The following IMPG2 variants were observed in gnomAD, a reference collection of about 807,000 sequenced individuals.
IMPG2 encodes the protein IPM 200.
A neutral mutation model predicts 129.2 loss-of-function variants in IMPG2; 91 were observed. The ratio of observed to expected loss-of-function variants is 0.70; its 90% CI spans 0.59 to 0.84. IMPG2 has a LOEUF of 0.84. Ranked by LOEUF, IMPG2 falls within the 40% of genes least tolerant of loss-of-function variation. The pLI, the probability that IMPG2 is intolerant of heterozygous loss-of-function variation, is 0.00. For missense variants in IMPG2, 1,430 were observed against 1,461.7 expected (o/e 0.98, Z 0.35); for synonymous variants, 510 against 517.7 (o/e 0.99, Z 0.20).
chr3:101,249,620 C>A (rs546281053), intron 11 of IMPG2, among the ~76,000 whole-genome samples: 9 of 150,784 alleles, frequency 6.0e-5, no homozygotes, highest in African/African-American at 2.2e-4. Flanking sequence ...GTCTAATAAC[C>A]AAATCTTCTG....
At chr3:101,288,295 G>A (rs1490047075) in intron 4 of IMPG2, among the ~76,000 whole-genome samples, 1 of 152,170 alleles carries the variant, frequency 6.6e-6, no homozygotes, top group East Asian at 1.9e-4. Flanking sequence ...ATGTAAATTA[G>A]TTCAGCCACT....
chr3:101,296,068 G>C (rs1707076701), intron 3 of IMPG2, among the ~76,000 whole-genome samples: 1 of 152,168 alleles, frequency 6.6e-6, no homozygotes, highest in African/African-American at 2.4e-5. Flanking sequence ...TCTCTTGCCT[G>C]ATTGCCCTGG....
At chr3:101,230,320 G>A (rs1706272124) in intron 16 of IMPG2, among the ~76,000 whole-genome samples, 1 of 152,152 alleles carries the variant, frequency 6.6e-6, no homozygotes, top group Non-Finnish European at 1.5e-5. Context: ...AATGGACCAG[G>A]TTTTATTTCC....
At chr3:101,313,778 G>T (rs547856868) in intron 2 of IMPG2, among the ~76,000 whole-genome samples, 10 of 152,156 alleles carry the variant, frequency 6.6e-5, no homozygotes, top group Non-Finnish European at 1.3e-4. Flanking sequence ...ATAAGGCATA[G>T]AAATTGTTAA....
At chr3:101,293,844 C>A (rs1208099085) in intron 3 of IMPG2, among the ~76,000 whole-genome samples, 1 of 152,208 alleles carries the variant, frequency 6.6e-6, no homozygotes, top group Non-Finnish European at 1.5e-5. Flanking sequence ...CATAAACCAA[C>A]CTCTGCTATC....
At chr3:101,233,834 T>C (rs188409850) in intron 14 of IMPG2, among the ~76,000 whole-genome samples, 1 of 152,208 alleles carries the variant, frequency 6.6e-6, no homozygotes, top group East Asian at 1.9e-4. Context: ...TAGACTCATC[T>C]GTATTAAAAA....
At chr3:101,308,285 G>GA (rs397967208) in intron 2 of IMPG2, among the ~76,000 whole-genome samples, 2 of 151,646 alleles carry the variant, frequency 1.3e-5, no homozygotes, top group Admixed American at 6.6e-5. Context: ...TCTGTGTGGG[G>GA]CCCCAACCCC....
At chr3:101,236,161 G>A (rs116684392) in intron 14 of IMPG2, among the ~76,000 whole-genome samples, 2,830 of 152,272 alleles carry the variant, frequency 0.019, 84 homozygotes, top group African/African-American at 0.065. Flanking sequence ...CAAGACTCCC[G>A]TGAGACTGAA....
intron 6 of IMPG2, among the ~76,000 whole-genome samples, chr3:101,275,289 A>C (rs1272611666): frequency 6.6e-6 from 1 of 152,144 alleles, no homozygotes; most frequent in Non-Finnish European, 1.5e-5. Flanking sequence ...TTGACTTTTA[A>C]ACTACATAAA....
At chr3:101,262,578 C>T (rs1463362034) in intron 9 of IMPG2, among the ~76,000 whole-genome samples, 1 of 151,710 alleles carries the variant, frequency 6.6e-6, no homozygotes, top group Admixed American at 6.6e-5. Flanking sequence ...TGGTACTCAT[C>T]CCCACACTAC....
At chr3:101,261,138 G>A (rs1253872444) in intron 9 of IMPG2, among the ~76,000 whole-genome samples, 3 of 152,156 alleles carry the variant, frequency 2.0e-5, no homozygotes, top group African/African-American at 7.2e-5. Context: ...CTGTGAGGAT[G>A]TGCATGCTCT....
chr3:101,230,074 C>A (rs1478309919), intron 16 of IMPG2, among the ~76,000 whole-genome samples: 1 of 152,348 alleles, frequency 6.6e-6, no homozygotes, highest in African/African-American at 2.4e-5. Flanking sequence ...GTTCTACACA[C>A]TGCTGACACA....
intron 4 of IMPG2, among the ~76,000 whole-genome samples, chr3:101,279,089 C>T (rs1576761331): frequency 6.6e-6 from 1 of 152,164 alleles, no homozygotes; most frequent in African/African-American, 2.4e-5. Flanking sequence ...AAATAAGGTC[C>T]AAACAGGTAA....
In IMPG2 at chr3:101,291,498, C is replaced by T; in HGVS notation, c.514G>A (p.Ala172Thr). 1.2e-6 allele frequency: 2 copies of T among 1,612,928 alleles called. No individual in the cohort carries two copies. The highest frequency in any genetic ancestry group is 1.7e-6 in the Non-Finnish European group (2 of 1,179,036). Residue 172 changes from alanine to threonine, a missense_variant, in exon 4 of 19, where the codon GCA becomes ACA. Transcript: ENST00000193391. The stretch of plus-strand genomic sequence containing the variant: ...ACTCACCTGCTTACAGTTTCCTTTG[C>T]ATAAGTCAGTTTCTAAGGAAAACAA... Reference protein sequence around the residue: ...RSLIMKKLTYAKETVSSSELS... With the variant: ...RSLIMKKLTYTKETVSSSELS...
rs752991676 is a variant in IMPG2 at position 101,253,788 on chromosome 3, A to G, written c.1154-7T>C. 3.8e-6 allele frequency: 6 copies of G among 1,598,624 alleles called. No homozygotes were observed. Among genetic ancestry groups the G allele is most frequent in the Non-Finnish European group, 5.1e-6 (6 of 1,168,600 alleles). ...TGACGCAAAACTCCTCTCACTGAGG[A>G]AAGAACAATATTAAAGAACATTTTT... On this transcript the variant is annotated splice_region_variant and splice_polypyrimidine_tract_variant and intron_variant, in intron 10 of 18. Transcript: ENST00000193391.
chr3:101,268,819 G>A (rs1331497604), intron 8 of IMPG2, among the ~76,000 whole-genome samples: 3 of 152,122 alleles, frequency 2.0e-5, no homozygotes, highest in Non-Finnish European at 4.4e-5. Context: ...AAAGTCAGCT[G>A]CTCTGTTTCA....
chr3:101,314,079 A>G (rs945900625), intron 2 of IMPG2, among the ~76,000 whole-genome samples: 2 of 152,170 alleles, frequency 1.3e-5, no homozygotes, highest in Admixed American at 6.6e-5. Flanking sequence ...CTTCCATTCA[A>G]TCAATAACAT....
intron 14 of IMPG2, among the ~76,000 whole-genome samples, chr3:101,238,976 T>C (rs1200022630): frequency 1.3e-5 from 2 of 152,054 alleles, no homozygotes; most frequent in African/African-American, 2.4e-5. Context: ...AGAAGACCCA[T>C]CTCATGTGCA....
chr3:101,305,053 T>C (rs1032277169), intron 2 of IMPG2, among the ~76,000 whole-genome samples: 2 of 152,288 alleles, frequency 1.3e-5, no homozygotes, highest in East Asian at 3.9e-4. Context: ...TACGGGTATT[T>C]AAAGTCGCTT....
Sources: allele counts gnomAD v4.1 joint callset (sites outside exome capture counted in the v4.1 genomes callset), GRCh38; gene constraint gnomAD v4.1.1; transcripts MANE v1.5; gene names NCBI Gene and HGNC (gene_info 2026-07-23, HGNC 2026-07-21).